PCDHGB5: variants seen among roughly 807,000 people sequenced by gnomAD.
PCDHGB5 encodes protocadherin gamma subfamily B, 5, also known as protocadherin gamma-B5.
PCDHGB5 carries 48 observed loss-of-function variants against 62.9 expected under a neutral mutation model. That is an observed-to-expected ratio of 0.76 (90% CI 0.61 to 0.97). PCDHGB5 has a LOEUF of 0.97. Ranked by LOEUF, PCDHGB5 falls within the 50% of genes least tolerant of loss-of-function variation. PCDHGB5 has a pLI of 0.00. For synonymous variants in PCDHGB5, 474 were observed against 511.2 expected, an observed-to-expected ratio of 0.93 and a Z score of 0.98; for missense variants, 1,118 against 1,198.6, an observed-to-expected ratio of 0.93 and a Z score of 0.99.
At position 141,432,395 on chromosome 5, in the gene PCDHGB5, G is replaced by A; in HGVS notation, c.2397+31871G>A. 6.2e-7 allele frequency: 1 copy of A among 1,614,240 alleles called. No individual in the cohort carries two copies. ...CGGGCACCCGCCCCTCAGCAGCAAC[G>A]TGTCGTTGAGCCTGTTCGTGCTGGA... On this transcript the variant is annotated intron_variant, in intron 1 of 3. Coordinates refer to ENST00000617380, the MANE Select transcript of PCDHGB5 (RefSeq NM_018925.3). This position sits in a 1 kb window ranked among gnomAD's most constrained non-coding sequence, Gnocchi z 6.0.
At position 141,477,263 on chromosome 5, in the gene PCDHGB5, G is replaced by C. The variant is rs543767777; in HGVS notation, c.2398-17544G>C. ...CAGTGTGACTGACCTGGATGCTGGC[G>C]AGAACGGGCTGGTGACCTGCGAAGT... On this transcript the variant is annotated intron_variant, in intron 1 of 3. Coordinates refer to ENST00000617380, the MANE Select transcript of PCDHGB5 (RefSeq NM_018925.3). The surrounding 1 kb of genome is among the most constrained non-coding windows in gnomAD (Gnocchi z 4.9). The C allele has an allele frequency of 6.2e-7, 1 of 1,614,192 alleles. No individual in the cohort carries two copies. The highest frequency in any genetic ancestry group is 1.3e-5 in the African/African-American group (1 of 75,058).
chr5:141,473,029 G>A (rs62379204), intron 1 of PCDHGB5, among the ~76,000 whole-genome samples: 15,982 of 147,800 alleles, frequency 0.11, 873 homozygotes, highest in South Asian at 0.15. Flanking sequence ...AAGGAAGGAA[G>A]GAAGGAAAGA....
chr5:141,477,519 A>C lies in PCDHGB5; in HGVS notation c.2398-17288A>C, dbSNP rs1255751458. 1 of 1,614,174 alleles carries C rather than the reference A, an allele frequency of 6.2e-7. No individual in the cohort carries two copies. The highest frequency in any genetic ancestry group is 2.2e-5 in the East Asian group (1 of 44,882). Reference sequence around the variant, plus strand: ...TCTTCCTACGACGTTTACATTGAAGAAAACAACCTCCCCGGGGCTCCAATA... The same window carrying C: ...TCTTCCTACGACGTTTACATTGAAGCAAACAACCTCCCCGGGGCTCCAATA... On this transcript the variant is annotated intron_variant, in intron 1 of 3. Transcript: ENST00000617380. The surrounding 1 kb of genome is among the most constrained non-coding windows in gnomAD (Gnocchi z 4.9).
intron 1 of PCDHGB5, among the ~76,000 whole-genome samples, chr5:141,469,642 A>G (rs1339074059): frequency 2.0e-5 from 3 of 152,244 alleles, no homozygotes; most frequent in Admixed American, 6.5e-5. Flanking sequence ...AAATATTTTG[A>G]TGACATAATT....
chr5:141,433,850 A>C (rs899643386), intron 1 of PCDHGB5, among the ~76,000 whole-genome samples: 2 of 151,896 alleles, frequency 1.3e-5, no homozygotes, highest in East Asian at 3.9e-4. Flanking sequence ...AAAAAAAAAA[A>C]AAAAACTTTA....
chr5:141,451,521 TAAAGG>T (rs1187561043), intron 1 of PCDHGB5, among the ~76,000 whole-genome samples: 1 of 152,148 alleles, frequency 6.6e-6, no homozygotes, highest in Non-Finnish European at 1.5e-5. Context: ...TTAGAGCAAG[TAAAGG>T]AGAGTGCCAG....
intron 1 of PCDHGB5, chr5:141,433,126 G>A (rs1390613447): frequency 1.9e-6 from 3 of 1,614,120 alleles, no homozygotes; most frequent in Middle Eastern, 1.7e-4. Flanking sequence ...AAAAAAGCGA[G>A]CCCCTTTTGC....
Position 141,398,545 on chromosome 5 carries a change from C to T in PCDHGB5, c.418C>T (p.Leu140=), listed in dbSNP as rs774657005. Residue 140 remains leucine (L), a synonymous_variant, in exon 1 of 4, where the codon CTG becomes TTG. Coordinates refer to ENST00000617380, the MANE Select transcript of PCDHGB5 (RefSeq NM_018925.3). The part of the protein sequence containing the change: ...TPKFTQNSFE[L]QISESAQPGT... ...AAAATTCACGCAAAATTCCTTTGAG[C>T]TGCAAATAAGTGAGTCTGCACAGCC... 2 of 1,613,768 alleles carry T rather than the reference C, an allele frequency of 1.2e-6. No homozygotes were observed. The highest frequency in any genetic ancestry group is 1.7e-6 in the Non-Finnish European group (2 of 1,179,818).
chr5:141,503,608 A>AAAAAAAG (rs1483073868), intron 2 of PCDHGB5, among the ~76,000 whole-genome samples: 1 of 151,994 alleles, frequency 6.6e-6, no homozygotes, highest in East Asian at 1.9e-4. Flanking sequence ...CAAAAAAAAA[A>AAAAAAAG]AAAAAAGAAA....
chr5:141,492,320 G>T (rs1001784912), intron 1 of PCDHGB5, among the ~76,000 whole-genome samples: 1 of 152,206 alleles, frequency 6.6e-6, no homozygotes, highest in Non-Finnish European at 1.5e-5. Context: ...CTCCTCGCAC[G>T]TGGGCTTACG....
chr5:141,489,864 T>G lies in PCDHGB5; in HGVS notation c.2398-4943T>G, dbSNP rs1274301673. ...TGGATCGTGAAGCCCAGGCAAGACA[T>G]CAGCTGGTGCTTACTGCTGTGGATG... On this transcript the variant is annotated intron_variant, in intron 1 of 3. Coordinates refer to ENST00000617380, the MANE Select transcript of PCDHGB5 (RefSeq NM_018925.3). This position sits in a 1 kb window ranked among gnomAD's most constrained non-coding sequence, Gnocchi z 4.5. 5 of 1,614,064 alleles carry G rather than the reference T, an allele frequency of 3.1e-6. No individual in the cohort carries two copies. The highest frequency in any genetic ancestry group is 3.4e-6 in the Non-Finnish European group (4 of 1,180,022).
At chr5:141,427,411 A>C (rs1256606726) in intron 1 of PCDHGB5, 2 of 464,124 alleles carry the variant, frequency 4.3e-6, no homozygotes, top group Admixed American at 2.3e-5. Flanking sequence ...GATTCGAGAG[A>C]AAATGGGGAG....
rs978109236 is a variant in PCDHGB5, at chr5:141,418,889, A to G, written c.2397+18365A>G. 1.9e-6 allele frequency: 3 copies of G among 1,614,020 alleles called. No homozygotes were observed. The African/African-American group carries it at 4.0e-5, about 21-fold the overall frequency. On this transcript the variant is annotated intron_variant, in intron 1 of 3. Coordinates refer to ENST00000617380, the MANE Select transcript of PCDHGB5 (RefSeq NM_018925.3). Reference sequence around the variant, plus strand: ...AGAAGTTGTAGACGAAAACGACAACAGCCCAGAAATAATCATCACGTCACT... The same window carrying G: ...AGAAGTTGTAGACGAAAACGACAACGGCCCAGAAATAATCATCACGTCACT...
chr5:141,481,619 A>T (rs1303171847), intron 1 of PCDHGB5, among the ~76,000 whole-genome samples: 1 of 152,128 alleles, frequency 6.6e-6, no homozygotes, highest in Non-Finnish European at 1.5e-5. Flanking sequence ...GGAGTTCAAG[A>T]CCGGCCTGGC....
chr5:141,461,845 C>CA (rs2099025049), intron 1 of PCDHGB5, among the ~76,000 whole-genome samples: 1 of 151,000 alleles, frequency 6.6e-6, no homozygotes. Context: ...TTTTTTGAGA[C>CA]AGAGTTTTGC....
chr5:141,474,242 G>A (rs575397598), intron 1 of PCDHGB5, among the ~76,000 whole-genome samples: 1 of 152,192 alleles, frequency 6.6e-6, no homozygotes, highest in African/African-American at 2.4e-5. Context: ...GCTGAATAGG[G>A]GAAAAAAAGA....
intron 3 of PCDHGB5, 40 bp downstream of exon 3, chr5:141,505,521 T>C: frequency 1.9e-6 from 3 of 1,612,684 alleles, no homozygotes; most frequent in Non-Finnish European, 2.5e-6. Context: ...GTGGGAGACC[T>C]GGGGTTCTGG....
At chr5:141,409,639 G>T (rs948112966) in intron 1 of PCDHGB5, 2 of 1,613,760 alleles carry the variant, frequency 1.2e-6, no homozygotes, top group African/African-American at 1.3e-5. Flanking sequence ...CCTCTGACCC[G>T]GATTTGGGGC....
Position 141,400,166 on chromosome 5 carries a change from C to T in PCDHGB5, c.2039C>T (p.Pro680Leu), listed in dbSNP as rs370071207. 5.0e-5 allele frequency: 80 copies of T among 1,613,954 alleles called. No individual in the cohort carries two copies. Among genetic ancestry groups the T allele is most frequent in the South Asian group, 7.7e-5 (7 of 91,092 alleles). The change falls in exon 1 of 4, where the codon CCC becomes CTC. Residue 680 changes from proline to leucine, a missense_variant. Coordinates refer to ENST00000617380, the MANE Select transcript of PCDHGB5 (RefSeq NM_018925.3). ...ACTGACCGCCCTGTACCCTCTGACC[C>T]CCAGGCTGAGCTGCAGTTTTACCTA... ...DITDRPVPSDPQAELQFYLVV... is the reference protein window; with the variant it reads ...DITDRPVPSDLQAELQFYLVV...
Sources: gnomAD v4.1 joint callset for allele counts (sites outside exome capture counted in the v4.1 genomes callset) on GRCh38, gnomAD v4.1.1 for gene constraint, Gnocchi (gnomAD v3.1) non-coding constraint, MANE v1.5 for transcripts, NCBI Gene and HGNC (gene_info 2026-07-23, HGNC 2026-07-21) for gene names.